The following TMEM108 variants were observed in gnomAD, a reference collection of about 807,000 sequenced individuals.
TMEM108 encodes the protein cancer/testis antigen 124.
Under a neutral mutation model 35.1 loss-of-function variants are expected in TMEM108, and 12 were observed. The ratio of observed to expected loss-of-function variants is 0.34; its 90% confidence interval spans 0.22 to 0.55. The LOEUF is 0.55. TMEM108 is among the 20% of genes least tolerant of loss of function. The pLI, the probability that TMEM108 is intolerant of heterozygous loss-of-function variation, is 0.89. For missense variants in TMEM108, 680 were observed against 753.3 expected, an observed-to-expected ratio of 0.90 and a Z score of 1.14; for synonymous variants, 287 against 308.6, an observed-to-expected ratio of 0.93 and a Z score of 0.73.
chr3:133,258,485 G>C lies in TMEM108; in HGVS notation c.40+29134G>C, dbSNP rs77666224. On this transcript the variant is annotated intron_variant, in intron 3 of 5. Coordinates refer to ENST00000321871, the MANE Select transcript of TMEM108 (RefSeq NM_023943.4). Reference sequence around the variant, plus strand: ...CGCTTTTGATAAAGTTGGATGGAGGGGGGTGATGGAAGTCCAAAGGAATTC... The same window carrying C: ...CGCTTTTGATAAAGTTGGATGGAGGCGGGTGATGGAAGTCCAAAGGAATTC... Among the ~76,000 whole-genome samples the C allele has an allele frequency of 4.3e-4, 66 of 152,278 alleles. No homozygotes were observed. The East Asian group carries it at 0.012, about 29-fold the overall frequency.
intron 2 of TMEM108, among the ~76,000 whole-genome samples, chr3:133,058,714 TG>T (rs1013451328): frequency 4.6e-5 from 7 of 150,542 alleles, no homozygotes; most frequent in Non-Finnish European, 8.9e-5. Flanking sequence ...CTTCTTAGGC[TG>T]GGGGACTTTG....
At chr3:133,355,855 G>A (rs978417289) in intron 3 of TMEM108, among the ~76,000 whole-genome samples, 1 of 152,136 alleles carries the variant, frequency 6.6e-6, no homozygotes, top group Non-Finnish European at 1.5e-5. Context: ...AGAAACCATT[G>A]TGACATAGTT....
At chr3:133,069,769 TTGTC>T (rs1397325184) in intron 2 of TMEM108, among the ~76,000 whole-genome samples, 1 of 152,154 alleles carries the variant, frequency 6.6e-6, no homozygotes, top group African/African-American at 2.4e-5. Context: ...TGTCCAGGCT[TTGTC>T]TGTCTGTTTG....
intron 3 of TMEM108, among the ~76,000 whole-genome samples, chr3:133,260,105 G>A (rs1366767818): frequency 3.9e-5 from 6 of 152,162 alleles, no homozygotes; most frequent in African/African-American, 9.7e-5. Flanking sequence ...CTTCAGTAAA[G>A]CATTAATATT....
chr3:133,204,306 T>A (rs1175978682), intron 2 of TMEM108, among the ~76,000 whole-genome samples: 1 of 152,180 alleles, frequency 6.6e-6, no homozygotes, highest in Non-Finnish European at 1.5e-5. Flanking sequence ...CTCCTTCAGT[T>A]CTGCTCTGAT....
chr3:133,290,377 T>G (rs1454980856), intron 3 of TMEM108, among the ~76,000 whole-genome samples: 1 of 152,156 alleles, frequency 6.6e-6, no homozygotes, highest in Non-Finnish European at 1.5e-5. Flanking sequence ...TCCCAGCATT[T>G]TGGGAGCCCA....
In TMEM108 at chr3:133,379,952, A is replaced by G. The variant is rs2072953591; in HGVS notation, c.241A>G (p.Met81Val). The change falls in exon 4 of 6, where the codon ATG becomes GTG. Residue 81 changes from methionine to valine, a missense_variant. Coordinates refer to ENST00000321871, the MANE Select transcript of TMEM108 (RefSeq NM_023943.4). ...ACCCCCCTCACAGGCTGCAGCTCCC[A>G]TGGCAACACCGACACCCCGTGCAGA... ...DGPPSQAAAP[M>V]ATPTPRAEGH... 4 of 1,612,488 alleles carry G rather than the reference A, an allele frequency of 2.5e-6. No homozygotes were observed. The highest frequency in any genetic ancestry group is 1.1e-5 in the South Asian group (1 of 90,992).
intron 3 of TMEM108, among the ~76,000 whole-genome samples, chr3:133,275,859 G>C (rs959195726): frequency 6.6e-6 from 1 of 152,190 alleles, no homozygotes; most frequent in Non-Finnish European, 1.5e-5. Flanking sequence ...TGAAATTGCA[G>C]ATAAAGGATT....
At chr3:133,143,053 G>A (rs1223772907) in intron 2 of TMEM108, among the ~76,000 whole-genome samples, 3 of 152,138 alleles carry the variant, frequency 2.0e-5, no homozygotes, top group South Asian at 4.1e-4. Context: ...ATAAAATTGT[G>A]TATGTGACAT....
chr3:133,119,395 A>G (rs1211762918), intron 2 of TMEM108: 1 of 152,234 alleles, frequency 6.6e-6, no homozygotes, highest in Non-Finnish European at 1.5e-5. Flanking sequence ...CACTCATTTA[A>G]AAATAAATCC....
At chr3:133,394,125 A>G (rs1170314419) in intron 5 of TMEM108, among the ~76,000 whole-genome samples, 2 of 152,242 alleles carry the variant, frequency 1.3e-5, no homozygotes, top group Admixed American at 6.5e-5. Context: ...GCCTAGGGCC[A>G]GGATGAAGCC....
intron 2 of TMEM108, among the ~76,000 whole-genome samples, chr3:133,153,725 T>C (rs1944834537): frequency 6.6e-6 from 1 of 152,138 alleles, no homozygotes; most frequent in South Asian, 2.1e-4. Flanking sequence ...GACTTAATGA[T>C]GGAAAAATGA....
chr3:133,220,198 C>T (rs1290080748), intron 2 of TMEM108, among the ~76,000 whole-genome samples: 2 of 150,952 alleles, frequency 1.3e-5, no homozygotes, highest in African/African-American at 4.9e-5. Flanking sequence ...CCTTCACTTT[C>T]ATTTTGTATG....
chr3:133,218,395 C>T (rs185385323), intron 2 of TMEM108, among the ~76,000 whole-genome samples: 97 of 151,946 alleles, frequency 6.4e-4, no homozygotes, highest in Non-Finnish European at 7.4e-4. Flanking sequence ...CCTTTTATTT[C>T]TTTCTCTTGC....
chr3:133,043,957 A>T (rs1471159095), intron 1 of TMEM108, among the ~76,000 whole-genome samples: 1 of 152,206 alleles, frequency 6.6e-6, no homozygotes, highest in Non-Finnish European at 1.5e-5. Context: ...TGTTTAAAAC[A>T]TGCAAAATTT....
chr3:133,134,879 C>T (rs1487543538), intron 2 of TMEM108, among the ~76,000 whole-genome samples: 1 of 152,116 alleles, frequency 6.6e-6, no homozygotes, highest in East Asian at 1.9e-4. Flanking sequence ...TTCTTCCTCA[C>T]TCCAAGTCCC....
At chr3:133,039,765 A>G (rs2107667114) in intron 1 of TMEM108, among the ~76,000 whole-genome samples, 1 of 152,306 alleles carries the variant, frequency 6.6e-6, no homozygotes, top group African/African-American at 2.4e-5. Flanking sequence ...TATGAGATGG[A>G]TAAGGGTCTC....
chr3:133,196,979 A>G lies in TMEM108; in HGVS notation c.-46-32287A>G, dbSNP rs1202009275. On this transcript the variant is annotated intron_variant, in intron 2 of 5. Coordinates refer to ENST00000321871, the MANE Select transcript of TMEM108 (RefSeq NM_023943.4). ...TTTGGGTTAGGTACACTGTCAGGTT[A>G]GACAAAATTAGGAAATTGAGAGAAT... Among the ~76,000 whole-genome samples, 3 of 152,226 alleles carry G rather than the reference A, an allele frequency of 2.0e-5. No individual in the cohort carries two copies. The East Asian group carries it at 5.8e-4, about 29-fold the overall frequency.
At chr3:133,123,849 T>C (rs1366252376) in intron 2 of TMEM108, among the ~76,000 whole-genome samples, 2 of 152,238 alleles carry the variant, frequency 1.3e-5, no homozygotes, top group Non-Finnish European at 2.9e-5. Context: ...TCTGCAATAG[T>C]GGCCTTGCTT....
Sources: allele counts gnomAD v4.1 joint callset (sites outside exome capture counted in the v4.1 genomes callset), GRCh38; gene constraint gnomAD v4.1.1; transcripts MANE v1.5; gene names NCBI Gene and HGNC (gene_info 2026-07-23, HGNC 2026-07-21).